Variants in LMF1 observed in about 807,000 individuals in gnomAD.
The protein encoded by LMF1 is lipase maturation factor 1.
A neutral mutation model predicts 60.6 loss-of-function variants in LMF1; 68 were observed. The observed-to-expected ratio is 1.12, with a 90% CI of 0.92 to 1.37. LMF1 has a LOEUF of 1.37. Among genes scored for constraint, LMF1 ranks in the 40% most tolerant of loss-of-function variants. LMF1 has a pLI of 0.00. For missense variants in LMF1, 948 were observed against 767.2 expected, an observed-to-expected ratio of 1.24 and a Z score of -2.78; for synonymous variants, 418 against 324.7, an observed-to-expected ratio of 1.29 and a Z score of -3.09.
chr16:877,349 G>C (rs1340818259), intron 6 of LMF1, among the ~76,000 whole-genome samples: 4 of 152,206 alleles, frequency 2.6e-5, no homozygotes, highest in African/African-American at 9.6e-5. Context: ...AACTCTGCGT[G>C]TCCTACGGCC....
intron 1 of LMF1, among the ~76,000 whole-genome samples, chr16:967,532 A>G (rs1049080952): frequency 1.3e-5 from 2 of 152,164 alleles, no homozygotes; most frequent in Admixed American, 1.3e-4. Context: ...CACCAAGAAC[A>G]TGGCACCCAG....
Position 962,220 on chromosome 16 carries a change from G to T in LMF1, c.194-7554C>A, listed in dbSNP as rs1363460602. 7.0e-6 allele frequency among the ~76,000 whole-genome samples: 1 copy of T among 141,940 alleles called. No individual in the cohort carries two copies. The highest frequency in any genetic ancestry group is 2.6e-4 in the South Asian group (1 of 3,914). The allele number at this position is 141,940 out of a possible 152,430, so 93.1% of individuals were successfully genotyped here. On this transcript the variant is annotated intron_variant, in intron 1 of 10. Transcript: ENST00000262301. This position sits in a 1 kb window ranked among gnomAD's most constrained non-coding sequence, Gnocchi z 4.5. ...CACGACCCAGACACAGACTCACGGT[G>T]ACAGCATGGGATCACGACCCAGACA...
intron 3 of LMF1, 71 bp downstream of exon 3, chr16:934,173 T>C: frequency 3.8e-6 from 6 of 1,598,398 alleles, no homozygotes; most frequent in Non-Finnish European, 5.1e-6. Context: ...CCAGGAAAAG[T>C]GCGTGAAGAT....
In LMF1 at chr16:871,293, TAGTC is replaced by T. The variant is rs778068069; in HGVS notation, c.942_945del (p.Thr315TrpfsTer24). The T allele has an allele frequency of 1.2e-6, 2 of 1,612,356 alleles. No homozygotes were observed. Among genetic ancestry groups the T allele is most frequent in the African/African-American group, 1.3e-5 (1 of 74,914 alleles). On this transcript the variant is annotated frameshift_variant, in exon 7 of 11. Transcript: ENST00000262301. LOFTEE classifies it high-confidence loss of function. ...TCAAAGCAGGCCAGGCTGGGCACCA[TAGTC>T]AGCCAGTTCAGGAAGCTGAGGTTCC...
intron 4 of LMF1, among the ~76,000 whole-genome samples, chr16:896,213 T>C (rs1055356714): frequency 8.0e-6 from 1 of 124,252 alleles, no homozygotes; most frequent in East Asian, 2.5e-4. Context: ...CTTGGAGGGG[T>C]TGTGAGGCTC....
intron 6 of LMF1, chr16:872,512 T>C (rs1020362557): frequency 6.6e-6 from 1 of 152,256 alleles, no homozygotes; most frequent in Non-Finnish European, 1.5e-5. Context: ...TAAACCCCTG[T>C]GCCAAAAACA....
upstream of LMF1, among the ~76,000 whole-genome samples, chr16:974,000 ACT>A (rs1264416069): frequency 6.9e-6 from 1 of 145,026 alleles, no homozygotes; most frequent in East Asian, 2.0e-4. Context: ...ACAGAGCGAG[ACT>A]CTGTCTCAAA....
At chr16:910,565 G>A (rs1204420116) in intron 4 of LMF1, among the ~76,000 whole-genome samples, 2 of 152,108 alleles carry the variant, frequency 1.3e-5, no homozygotes, top group African/African-American at 2.4e-5. Flanking sequence ...ATTTAAAAAC[G>A]AGCTCTGAAA....
chr16:871,792 G>A, intron 6 of LMF1: 1 of 158,352 alleles, frequency 6.3e-6, no homozygotes, highest in South Asian at 1.9e-4. Flanking sequence ...ACAGACAACA[G>A]GGGCCGTGGG....
At chr16:909,966 G>A (rs970406010) in intron 4 of LMF1, among the ~76,000 whole-genome samples, 3 of 152,188 alleles carry the variant, frequency 2.0e-5, no homozygotes, top group Non-Finnish European at 2.9e-5. Context: ...CGTCTTCAGC[G>A]AATCCTCCAC....
At chr16:893,248 G>T in intron 4 of LMF1, 176 bp from the exon 5 acceptor site, 2 of 691,084 alleles carry the variant, frequency 2.9e-6, no homozygotes, top group Non-Finnish European at 2.6e-6. Context: ...AATTTGAGAA[G>T]GGCAGATTCA....
In LMF1 at chr16:954,400, G is replaced by T. The variant is rs764678952; in HGVS notation, c.460C>A (p.Leu154Met). The T allele has an allele frequency of 6.2e-7, 1 of 1,612,990 alleles. No homozygotes were observed. The highest frequency in any genetic ancestry group is 8.5e-7 in the Non-Finnish European group (1 of 1,179,740). Residue 154 changes from leucine to methionine, a missense_variant, in exon 2 of 11, where the codon CTG becomes ATG. Transcript: ENST00000262301. ...ACCAGGGACATGTAGAGGCCCCACA[G>T]GGCAGCCATGAGAAGCATGTTGGCG... ...GCANMLLMAALWGLYMSLVNV... is the reference protein window; with the variant it reads ...GCANMLLMAAMWGLYMSLVNV...
intron 1 of LMF1, chr16:980,097 C>T (rs2073302759): frequency 6.9e-6 from 2 of 288,182 alleles, no homozygotes; most frequent in Non-Finnish European, 1.4e-5. Flanking sequence ...AACTCGCGCA[C>T]TCCGTCTCCC....
rs200377478 is a variant in LMF1, at chr16:954,665, G to C, written c.195C>G (p.Phe65Leu). 7 of 1,585,150 alleles carry C rather than the reference G, an allele frequency of 4.4e-6. No individual in the cohort carries two copies. The highest frequency in any genetic ancestry group is 3.4e-5 in the South Asian group (3 of 87,400). The change falls in exon 2 of 11, where the codon TTC (phenylalanine) becomes TTG (leucine). Residue 65 changes from phenylalanine (F) to leucine (L), a missense_variant and splice_region_variant. By Grantham distance (22) the Phe-to-Leu change is conservative (BLOSUM62 0). Transcript: ENST00000262301. Reference protein sequence around the residue: ...VLLKALAFVYFVAFLVAFHQN... With the variant: ...VLLKALAFVYLVAFLVAFHQN... Reference sequence around the variant, plus strand: ...GATGGAAAGCCACCAGGAATGCCACGACTGGAAGAAAAAGAAGACAAAACA... The same window carrying C: ...GATGGAAAGCCACCAGGAATGCCACCACTGGAAGAAAAAGAAGACAAAACA...
At position 888,106 on chromosome 16, in the gene LMF1, C is replaced by A. The variant is rs7191898; in HGVS notation, c.729+4901G>T. 9.5e-3 allele frequency among the ~76,000 whole-genome samples: 1,448 copies of A among 152,352 alleles called. 21 individuals carry two copies. The highest frequency in any genetic ancestry group is 0.033 in the African/African-American group (1,390 of 41,586). On this transcript the variant is annotated intron_variant, in intron 5 of 10. Transcript: ENST00000262301. ...CGGCGGACGGAATTGTAGTTCTCCA[C>A]GACGTCGGCCCAAGCTCACAGACAG...
intron 5 of LMF1, among the ~76,000 whole-genome samples, chr16:890,484 G>A (rs1052480150): frequency 6.6e-6 from 1 of 152,078 alleles, no homozygotes; most frequent in Non-Finnish European, 1.5e-5. Context: ...CCTGGACCCC[G>A]TGTGACCATC....
At chr16:965,694 A>C (rs1343273582) in intron 1 of LMF1, among the ~76,000 whole-genome samples, 1 of 152,212 alleles carries the variant, frequency 6.6e-6, no homozygotes, top group African/African-American at 2.4e-5. Context: ...GCAAACAGGA[A>C]GGCATGAGCA....
intron 10 of LMF1, among the ~76,000 whole-genome samples, chr16:862,837 G>T (rs181678239): frequency 9.6e-5 from 14 of 146,108 alleles, no homozygotes; most frequent in Admixed American, 5.9e-4. Context: ...CAGCCTGGGT[G>T]ACAGAGAGTG....
chr16:865,028 A>G (rs2069573854), intron 10 of LMF1, among the ~76,000 whole-genome samples: 1 of 151,856 alleles, frequency 6.6e-6, no homozygotes, highest in Non-Finnish European at 1.5e-5. Flanking sequence ...GTTTTTCCCA[A>G]CCTGCTTTCC....
Sources: gnomAD v4.1 joint callset for allele counts (sites outside exome capture counted in the v4.1 genomes callset) on GRCh38, gnomAD v4.1.1 for gene constraint, Gnocchi (gnomAD v3.1) non-coding constraint, MANE v1.5 for transcripts, NCBI Gene and HGNC (gene_info 2026-07-23, HGNC 2026-07-21) for gene names.